The following GPATCH2 variants were observed in gnomAD, a reference collection of about 807,000 sequenced individuals.
GPATCH2 encodes G-patch domain containing 2.
Under a neutral mutation model 58.0 loss-of-function variants are expected in GPATCH2, and 51 were observed. The observed-to-expected ratio is 0.88, with a 90% CI of 0.70 to 1.11. The LOEUF is 1.11. Among genes scored for constraint, GPATCH2 ranks in the 50% most tolerant of loss-of-function variants. The pLI is 0.00. For missense variants in GPATCH2, 625 were observed against 652.2 expected (o/e 0.96, Z 0.45); for synonymous variants, 222 against 218.5 (o/e 1.02, Z -0.14).
At chr1:217,562,252 G>A (rs1665965745) in intron 5 of GPATCH2, among the ~76,000 whole-genome samples, 1 of 152,150 alleles carries the variant, frequency 6.6e-6, no homozygotes, top group Non-Finnish European at 1.5e-5. Flanking sequence ...GGTGTAAACA[G>A]AGGTCTAGGA....
chr1:217,484,272 A>G (rs1489817503), intron 8 of GPATCH2, among the ~76,000 whole-genome samples: 1 of 152,164 alleles, frequency 6.6e-6, no homozygotes, highest in African/African-American at 2.4e-5. Context: ...AAAAAGGATG[A>G]GTAAGAGGTA....
intron 8 of GPATCH2, among the ~76,000 whole-genome samples, chr1:217,479,850 A>T (rs1424979077): frequency 6.6e-6 from 1 of 152,156 alleles, no homozygotes; most frequent in Admixed American, 6.5e-5. Flanking sequence ...ACCAAAAAAG[A>T]GCAGGAATAG....
chr1:217,534,054 A>T (rs1374789727), intron 5 of GPATCH2, among the ~76,000 whole-genome samples: 1 of 151,964 alleles, frequency 6.6e-6, no homozygotes, highest in African/African-American at 2.4e-5. Flanking sequence ...CACCTCTACT[A>T]AAAATACAAA....
In GPATCH2 at chr1:217,463,641, CAAAAAAAAAAAAAAAAAAAAA is replaced by C. The variant is rs201402598; in HGVS notation, c.1278-14325_1278-14305del. Among the ~76,000 whole-genome samples the C allele has an allele frequency of 6.7e-4, 55 of 82,472 alleles. No homozygotes were observed. The East Asian group carries it at 7.5e-3, about 11-fold the overall frequency. The allele number at this position is 82,472 out of a possible 152,430, so 54.1% of individuals were successfully genotyped here. ...GCAACATAGCAAGAACTTATCACTC[CAAAAAAAAAAAAAAAAAAAAA>C]AAAAAAAAAAAAGGCAGGCATAGTG... On this transcript the variant is annotated intron_variant, in intron 8 of 9. Coordinates refer to ENST00000366935, the MANE Select transcript of GPATCH2 (RefSeq NM_018040.5).
intron 5 of GPATCH2, among the ~76,000 whole-genome samples, chr1:217,546,719 G>A (rs937175471): frequency 6.6e-5 from 10 of 152,306 alleles, no homozygotes; most frequent in African/African-American, 2.4e-4. Flanking sequence ...GATGCCAAAA[G>A]CAATGGCAAC....
chr1:217,484,768 T>C (rs1661383695), intron 8 of GPATCH2, among the ~76,000 whole-genome samples: 1 of 150,412 alleles, frequency 6.6e-6, no homozygotes, highest in African/African-American at 2.4e-5. Context: ...TAGGTATATA[T>C]AGGATGGATA....
chr1:217,528,391 A>G (rs1246712954), intron 5 of GPATCH2, among the ~76,000 whole-genome samples: 1 of 152,210 alleles, frequency 6.6e-6, no homozygotes, highest in Non-Finnish European at 1.5e-5. Flanking sequence ...TAGATCCTGT[A>G]TCAAGAGCTT....
rs201083827 is a variant in GPATCH2 at position 217,611,090 on chromosome 1, C to T, written c.836-19G>A. 5.8e-6 allele frequency: 8 copies of T among 1,389,934 alleles called. No individual in the cohort carries two copies. In the African/African-American group the frequency reaches 1.3e-4, roughly 22 times the overall value. The allele number at this position is 1,389,934 out of a possible 1,614,324, so 86.1% of individuals were successfully genotyped here. The stretch of plus-strand genomic sequence containing the variant: ...TCATCACCTGTGCAAATACAAGAAA[C>T]CCCCCCCCACCAAAGACTCAGTTTT... On this transcript the variant is annotated intron_variant, in intron 3 of 9. Transcript: ENST00000366935.
At chr1:217,623,899 T>C (rs1446890513) in intron 1 of GPATCH2, among the ~76,000 whole-genome samples, 2 of 151,800 alleles carry the variant, frequency 1.3e-5, no homozygotes, top group African/African-American at 2.4e-5. Context: ...CAAAACTCCA[T>C]CTCAAAAAAC....
chr1:217,446,652 A>C (rs140030454), intron 9 of GPATCH2, among the ~76,000 whole-genome samples: 14 of 152,286 alleles, frequency 9.2e-5, no homozygotes, highest in African/African-American at 3.4e-4. Flanking sequence ...AAAGTGCATT[A>C]AATTTCTATG....
rs548633335 is a variant in GPATCH2 at position 217,478,436 on chromosome 1, T to C, written c.1277+13244A>G. On this transcript the variant is annotated intron_variant, in intron 8 of 9. Coordinates refer to ENST00000366935, the MANE Select transcript of GPATCH2 (RefSeq NM_018040.5). Reference sequence around the variant, plus strand: ...CTATTAGACAAATTTAATAAAGAGATTGAAATAATGAAAAGGAATTAAGCA... The same window carrying C: ...CTATTAGACAAATTTAATAAAGAGACTGAAATAATGAAAAGGAATTAAGCA... Among the ~76,000 whole-genome samples, 56 of 152,022 alleles carry C rather than the reference T, an allele frequency of 3.7e-4. 1 individual carries two copies. Among genetic ancestry groups the C allele is most frequent in the Admixed American group, 3.0e-3 (46 of 15,280 alleles).
chr1:217,431,464 T>C lies in GPATCH2; in HGVS notation c.1367-99A>G, dbSNP rs116639474. 2.5e-4 allele frequency: 193 copies of C among 758,074 alleles called. No individual in the cohort carries two copies. In the African/African-American group the frequency reaches 3.1e-3, roughly 12 times the overall value. 47.0% of individuals were successfully genotyped at this position (758,074 alleles called of 1,614,324 possible). On this transcript the variant is annotated intron_variant, in intron 9 of 9. Transcript: ENST00000366935. Reference sequence around the variant, plus strand: ...TTCTCCTAAGTTTTGTTTTGTTTTGTTTTTCAACCAGGTACTAGAGGGGGT... The same window carrying C: ...TTCTCCTAAGTTTTGTTTTGTTTTGCTTTTCAACCAGGTACTAGAGGGGGT...
chr1:217,446,435 T>G (rs78124023), intron 9 of GPATCH2, among the ~76,000 whole-genome samples: 1 of 152,158 alleles, frequency 6.6e-6, no homozygotes, highest in Non-Finnish European at 1.5e-5. Flanking sequence ...AGTGTATTTA[T>G]GCAAAACCAT....
intron 1 of GPATCH2, among the ~76,000 whole-genome samples, chr1:217,623,655 A>T (rs1210647938): frequency 6.6e-6 from 1 of 152,184 alleles, no homozygotes; most frequent in African/African-American, 2.4e-5. Context: ...TAATCCCAGC[A>T]CTTTGGGAGG....
intron 8 of GPATCH2, among the ~76,000 whole-genome samples, chr1:217,454,385 C>G (rs996759399): frequency 1.3e-5 from 2 of 151,836 alleles, no homozygotes; most frequent in African/African-American, 4.8e-5. Context: ...GTCTGGAAAT[C>G]GAGACCATCC....
chr1:217,624,926 C>T lies in GPATCH2; in HGVS notation c.57-4427G>A, dbSNP rs1669378749. Among the ~76,000 whole-genome samples, 4 of 151,978 alleles carry T rather than the reference C, an allele frequency of 2.6e-5. No individual in the cohort carries two copies. In the South Asian group the frequency reaches 6.2e-4, roughly 24 times the overall value. ...CATCAATAGTTTTATTAAAATAGTC[C>T]GAATGAACAGAATACCCCAAAACAA... On this transcript the variant is annotated intron_variant, in intron 1 of 9. Coordinates refer to ENST00000366935, the MANE Select transcript of GPATCH2 (RefSeq NM_018040.5).
chr1:217,549,658 C>G (rs983246109), intron 5 of GPATCH2, among the ~76,000 whole-genome samples: 2 of 152,126 alleles, frequency 1.3e-5, no homozygotes, highest in Non-Finnish European at 1.5e-5. Flanking sequence ...GCTGATAACT[C>G]ATATTCCTTG....
intron 5 of GPATCH2, among the ~76,000 whole-genome samples, chr1:217,545,155 G>T (rs983980735): frequency 6.6e-6 from 1 of 152,160 alleles, no homozygotes; most frequent in African/African-American, 2.4e-5. Flanking sequence ...CTGGAAGAAC[G>T]GTCAATATAT....
At chr1:217,612,967 A>G (rs72747627) in intron 3 of GPATCH2, among the ~76,000 whole-genome samples, 3 of 152,290 alleles carry the variant, frequency 2.0e-5, no homozygotes, top group Non-Finnish European at 4.4e-5. Flanking sequence ...AAATGCTGGC[A>G]TATCATTCTA....
Sources: allele counts gnomAD v4.1 joint callset (sites outside exome capture counted in the v4.1 genomes callset), GRCh38; gene constraint gnomAD v4.1.1; transcripts MANE v1.5; gene names NCBI Gene and HGNC (gene_info 2026-07-23, HGNC 2026-07-21).